Variants in TBC1D24 observed in about 807,000 individuals in gnomAD.
TBC1D24 encodes the protein TBC1 domain family member 24.
TBC1D24 carries 47 observed loss-of-function variants against 50.7 expected under a neutral mutation model. The observed-to-expected ratio is 0.93, with a 90% confidence interval of 0.73 to 1.18. TBC1D24 has a LOEUF of 1.18. TBC1D24 is among the 50% of genes most tolerant of loss of function. The pLI, the probability that TBC1D24 is intolerant of heterozygous loss-of-function variation, is 0.00. For synonymous variants in TBC1D24, 324 were observed against 335.2 expected (o/e 0.97, Z 0.36); for missense variants, 688 against 766.5 (o/e 0.90, Z 1.21).
rs754211549 is a variant in TBC1D24 at position 2,496,508 on chromosome 16, C to A, written c.360C>A (p.Cys120Ter). Residue 120 changes from cysteine to a stop codon, truncating the protein, a stop_gained, in exon 2 of 8, where the codon TGC (cysteine) becomes TGA (stop). Coordinates refer to ENST00000646147, the MANE Select transcript of TBC1D24 (RefSeq NM_001199107.2). LOFTEE classifies it high-confidence loss of function. The part of the protein sequence containing the change: ...GEGAVRKILL[C>*]LANQFPDISF... Reference sequence around the variant, plus strand: ...GGGCCGTGCGCAAGATCCTCCTGTGCCTGGCCAACCAGTTCCCCGACATCT... The same window carrying A: ...GGGCCGTGCGCAAGATCCTCCTGTGACTGGCCAACCAGTTCCCCGACATCT... The A allele has an allele frequency of 5.6e-6, 9 of 1,609,182 alleles. No homozygotes were observed. The highest frequency in any genetic ancestry group is 6.8e-6 in the Non-Finnish European group (8 of 1,179,950).
chr16:2,498,617 G>A (rs563227491), intron 4 of TBC1D24, among the ~76,000 whole-genome samples: 32 of 152,348 alleles, frequency 2.1e-4, no homozygotes, highest in African/African-American at 7.0e-4. Context: ...TGCAGGCGTC[G>A]TGAAGACGCC....
chr16:2,496,682 G>A lies in TBC1D24; in HGVS notation c.534G>A (p.Ser178=), dbSNP rs144714321. 1.5e-5 allele frequency: 25 copies of A among 1,613,302 alleles called. No homozygotes were observed. Among genetic ancestry groups the A allele is most frequent in the East Asian group, 1.1e-4 (5 of 44,886 alleles). ...LIDQSFLAFE[S]SCMTFGDLVN... is the part of the protein sequence containing the mutation. Reference sequence around the variant, plus strand: ...ACCAGAGCTTCCTGGCCTTTGAGTCGTCCTGCATGACGTTTGGGGACCTGG... The same window carrying A: ...ACCAGAGCTTCCTGGCCTTTGAGTCATCCTGCATGACGTTTGGGGACCTGG... The change falls in exon 2 of 8, where the codon TCG becomes TCA. Residue 178 remains serine (S), a synonymous_variant. Coordinates refer to ENST00000646147, the MANE Select transcript of TBC1D24 (RefSeq NM_001199107.2).
Position 2,504,911 on chromosome 16 carries a change from CT to C in TBC1D24, c.*3958del, listed in dbSNP as rs2065823396. 6.6e-6 allele frequency: 1 copy of C among 152,074 alleles called. No homozygotes were observed. Among genetic ancestry groups the C allele is most frequent in the South Asian group, 2.1e-4 (1 of 4,828 alleles). 9.4% of individuals were successfully genotyped at this position (152,074 alleles called of 1,614,324 possible). A position where few individuals can be genotyped will look rare whatever the true frequency, so the allele number is the denominator to read the frequency against. On this transcript the variant is annotated 3_prime_UTR_variant, in exon 8 of 8. Transcript: ENST00000646147. ...GGGTTCATATAGATTTTTTTCCTCC[CT>C]TTTTGTGGAGAACATAGTCTTGCTG...
intron 1 of TBC1D24, among the ~76,000 whole-genome samples, chr16:2,490,889 G>T (rs1455992207): frequency 1.3e-5 from 2 of 152,226 alleles, no homozygotes; most frequent in Non-Finnish European, 2.9e-5. Flanking sequence ...TTGGGGGACT[G>T]CAGGGAACAG....
Position 2,475,357 on chromosome 16 carries a change from C to A in TBC1D24, c.-116+187C>A, listed in dbSNP as rs1004399138. Among the ~76,000 whole-genome samples, 2 of 151,526 alleles carry A rather than the reference C, an allele frequency of 1.3e-5. No individual in the cohort carries two copies. The highest frequency in any genetic ancestry group is 3.0e-5 in the Non-Finnish European group (2 of 67,744). ...GGCTCCAGAGCCCGGCACCGCCCGG[C>A]GCTGCAGCTGCGGCTTGGCCTACGG... On this transcript the variant is annotated intron_variant, in intron 1 of 7. Coordinates refer to ENST00000646147, the MANE Select transcript of TBC1D24 (RefSeq NM_001199107.2). The surrounding 1 kb of genome is among the most constrained non-coding windows in gnomAD (Gnocchi z 4.2).
Position 2,486,391 on chromosome 16 carries a change from G to A in TBC1D24, c.-115-9643G>A, listed in dbSNP as rs2141859258. 6.6e-6 allele frequency among the ~76,000 whole-genome samples: 1 copy of A among 152,342 alleles called. No individual in the cohort carries two copies. Among genetic ancestry groups the A allele is most frequent in the South Asian group, 2.1e-4 (1 of 4,826 alleles). On this transcript the variant is annotated intron_variant, in intron 1 of 7. Transcript: ENST00000646147. This position sits in a 1 kb window ranked among gnomAD's most constrained non-coding sequence, Gnocchi z 5.8. ...CCAGATGGGAAGAAGTGAGACGAGCGGCAGCTGACGCCCATGCCCTGTTCT... is the reference window on the plus strand; with the variant it reads ...CCAGATGGGAAGAAGTGAGACGAGCAGCAGCTGACGCCCATGCCCTGTTCT...
chr16:2,490,721 T>C (rs575529998), intron 1 of TBC1D24, among the ~76,000 whole-genome samples: 1 of 152,214 alleles, frequency 6.6e-6, no homozygotes, highest in Admixed American at 6.5e-5. Flanking sequence ...TTAGGGAAGA[T>C]GCACGGCTTG....
At chr16:2,477,185 CA>C (rs1818390121) in intron 1 of TBC1D24, 1 of 152,220 alleles carries the variant, frequency 6.6e-6, no homozygotes, top group African/African-American at 2.4e-5. Flanking sequence ...CATTGCCTTT[CA>C]ATTGGAGATA....
Position 2,500,698 on chromosome 16 carries a change from G to C in TBC1D24, c.1526-106G>C. ...CTATGGAGGGTCAACGGTCTGTGCG[G>C]TTTCAGAGAGGCCCGTGCAGGGCAG... On this transcript the variant is annotated intron_variant, in intron 7 of 7. Coordinates refer to ENST00000646147, the MANE Select transcript of TBC1D24 (RefSeq NM_001199107.2). This position sits in a 1 kb window ranked among gnomAD's most constrained non-coding sequence, Gnocchi z 8.0. The C allele has an allele frequency of 6.8e-7, 1 of 1,465,048 alleles. No homozygotes were observed. The allele number at this position is 1,465,048 out of a possible 1,614,324, so 90.8% of individuals were successfully genotyped here. A position where few individuals can be genotyped will look rare whatever the true frequency, so the allele number is the denominator to read the frequency against.
Position 2,497,120 on chromosome 16 carries a change from C to T in TBC1D24, c.965+7C>T, listed in dbSNP as rs1244113744. On this transcript the variant is annotated splice_region_variant and intron_variant, in intron 2 of 7. Coordinates refer to ENST00000646147, the MANE Select transcript of TBC1D24 (RefSeq NM_001199107.2). The stretch of plus-strand genomic sequence containing the variant: ...TCACCGTGAAGCAGAAGAGGTAGGT[C>T]GCCGGCAGCCTGTGAGGGGTACACC... 8 of 1,599,532 alleles carry T rather than the reference C, an allele frequency of 5.0e-6. No homozygotes were observed. The highest frequency in any genetic ancestry group is 3.3e-5 in the South Asian group (3 of 90,990).
At position 2,496,332 on chromosome 16, in the gene TBC1D24, A is replaced by G. The variant is rs761822543; in HGVS notation, c.184A>G (p.Ile62Val). Residue 62 changes from isoleucine to valine, a missense_variant, in exon 2 of 8, where the codon ATT becomes GTT. Coordinates refer to ENST00000646147, the MANE Select transcript of TBC1D24 (RefSeq NM_001199107.2). ...GKVYQRLIRDIPCRTVTPDAS... is the reference protein window; with the variant it reads ...GKVYQRLIRDVPCRTVTPDAS... ...GGTGTACCAGCGCCTGATCCGGGAC[A>G]TTCCCTGCCGCACGGTCACGCCTGA... 4 of 1,613,600 alleles carry G rather than the reference A, an allele frequency of 2.5e-6. No homozygotes were observed. In the South Asian group the frequency reaches 3.3e-5, roughly 13 times the overall value.
In TBC1D24 at chr16:2,504,443, G is replaced by A. The variant is rs1419781732; in HGVS notation, c.*3485G>A. 5 of 114,222 alleles carry A rather than the reference G, an allele frequency of 4.4e-5. No individual in the cohort carries two copies. Among genetic ancestry groups the A allele is most frequent in the Non-Finnish European group, 7.9e-5 (5 of 62,930 alleles). The allele number at this position is 114,222 out of a possible 1,614,324, so 7.1% of individuals were successfully genotyped here. On this transcript the variant is annotated 3_prime_UTR_variant, in exon 8 of 8. Transcript: ENST00000646147. ...TTTTTTTTTTTTTTTTTTTGAGACA[G>A]AGTCTCGCTCTGTCGCCCAGGCTGG...
In TBC1D24 at chr16:2,496,965, G is replaced by A. The variant is rs752610561; in HGVS notation, c.817G>A (p.Val273Ile). ...DSVKQDIRTF[V>I]RDIAKTVSPE... is the part of the protein sequence containing the mutation. ...CGTGAAGCAGGACATCCGCACGTTC[G>A]TCAGAGACATCGCGAAGACGGTGTC... The change falls in exon 2 of 8, where the codon GTC becomes ATC. Residue 273 changes from valine (V) to isoleucine (I), a missense_variant. By Grantham distance (29) the Val-to-Ile change is conservative. Coordinates refer to ENST00000646147, the MANE Select transcript of TBC1D24 (RefSeq NM_001199107.2). The A allele has an allele frequency of 7.4e-6, 12 of 1,613,900 alleles. No homozygotes were observed. The highest frequency in any genetic ancestry group is 2.2e-5 in the East Asian group (1 of 44,906).
rs1223537197 is a variant in TBC1D24 at position 2,500,777 on chromosome 16, G to T, written c.1526-27G>T. The T allele has an allele frequency of 1.3e-6, 2 of 1,590,730 alleles. No homozygotes were observed. The highest frequency in any genetic ancestry group is 1.7e-6 in the Non-Finnish European group (2 of 1,174,866). The stretch of plus-strand genomic sequence containing the variant: ...GGGTCAGTGCTGATAGGGCAGTCAG[G>T]CCGCCACTGACCTGAGCATCCTGCA... On this transcript the variant is annotated intron_variant, in intron 7 of 7. Transcript: ENST00000646147. The surrounding 1 kb of genome is among the most constrained non-coding windows in gnomAD (Gnocchi z 8.0).
chr16:2,478,408 C>T (rs1322107902), intron 1 of TBC1D24: 1 of 152,306 alleles, frequency 6.6e-6, no homozygotes, highest in African/African-American at 2.4e-5. Context: ...GGCAGTGCCA[C>T]ACCCCATGCA....
chr16:2,497,580 G>A (rs1235954331), intron 2 of TBC1D24, 130 bp from the exon 3 acceptor site: 27 of 881,140 alleles, frequency 3.1e-5, no homozygotes, highest in Admixed American at 1.4e-4. Flanking sequence ...GCCACGCTGC[G>A]GCCTGTTGGC....
chr16:2,497,685 T>G (rs1419346762), intron 2 of TBC1D24, 25 bp from the exon 3 acceptor site: 1 of 1,535,636 alleles, frequency 6.5e-7, no homozygotes, highest in East Asian at 2.4e-5. Flanking sequence ...CTTCTCCATG[T>G]CCGTTGCTTT....
Position 2,496,478 on chromosome 16 carries a change from C to T in TBC1D24, c.330C>T (p.Gly110=), listed in dbSNP as rs779117497. 103 of 1,610,578 alleles carry T rather than the reference C, an allele frequency of 6.4e-5. No homozygotes were observed. The highest frequency in any genetic ancestry group is 1.6e-4 in the Middle Eastern group (1 of 6,084). The change falls in exon 2 of 8, where the codon GGC becomes GGT. Residue 110 remains glycine (G), a synonymous_variant. Coordinates refer to ENST00000646147, the MANE Select transcript of TBC1D24 (RefSeq NM_001199107.2). The part of the protein sequence containing the change: ...QVPSYCLNAR[G]EGAVRKILLC... Reference sequence around the variant, plus strand: ...CCAGCTACTGCCTGAATGCACGCGGCGAGGGGGCCGTGCGCAAGATCCTCC... The same window carrying T: ...CCAGCTACTGCCTGAATGCACGCGGTGAGGGGGCCGTGCGCAAGATCCTCC...
At chr16:2,497,801 CTGGGTCTCAGGGCTGCTCTCG>C in intron 3 of TBC1D24, 74 bp downstream of exon 3, 1 of 1,468,416 alleles carries the variant, frequency 6.8e-7, no homozygotes, top group Non-Finnish European at 9.2e-7. Context: ...GCTGCTTGCT[CTGGGTCTCAGGGCTGCTCTCG>C]TGGGCCAGCT....
Sources: gnomAD v4.1 joint callset for allele counts (sites outside exome capture counted in the v4.1 genomes callset) on GRCh38, gnomAD v4.1.1 for gene constraint, Gnocchi (gnomAD v3.1) non-coding constraint, MANE v1.5 for transcripts, NCBI Gene and HGNC (gene_info 2026-07-23, HGNC 2026-07-21) for gene names.